RRAS2: variants seen among roughly 807,000 people sequenced by gnomAD.
RRAS2 encodes the protein ras-related protein R-Ras2.
In RRAS2, 7 loss-of-function variants were observed where a neutral mutation model predicts 27.6. That is an observed-to-expected ratio of 0.25 (90% CI 0.14 to 0.48). RRAS2 has a LOEUF of 0.48. Among genes scored for constraint, RRAS2 ranks in the 20% least tolerant of loss-of-function variants. The pLI, the probability that RRAS2 is intolerant of heterozygous loss-of-function variation, is 0.99. For synonymous variants in RRAS2, 86 were observed against 90.9 expected (o/e 0.95, Z 0.31); for missense variants, 178 against 256.2 (o/e 0.69, Z 2.08).
chr11:14,351,980 T>G (rs1554954857), intron 1 of RRAS2, among the ~76,000 whole-genome samples: 1 of 152,048 alleles, frequency 6.6e-6, no homozygotes, highest in Non-Finnish European at 1.5e-5. Flanking sequence ...GGTGGCATCA[T>G]GTCTTCAACT....
At chr11:14,293,061 T>TC (rs1847445731) in intron 4 of RRAS2, among the ~76,000 whole-genome samples, 2 of 145,654 alleles carry the variant, frequency 1.4e-5, no homozygotes, top group African/African-American at 2.6e-5. Flanking sequence ...TGAGCCAAGA[T>TC]CACGCCACTG....
chr11:14,323,204 T>C (rs1591471553), intron 1 of RRAS2, among the ~76,000 whole-genome samples: 1 of 152,144 alleles, frequency 6.6e-6, no homozygotes, highest in South Asian at 2.1e-4. Context: ...GCCAACACTT[T>C]GGGAGGCTGA....
chr11:14,337,897 G>T (rs903702529), intron 1 of RRAS2, among the ~76,000 whole-genome samples: 1 of 152,090 alleles, frequency 6.6e-6, no homozygotes, highest in Non-Finnish European at 1.5e-5. Flanking sequence ...CACCCTAAAA[G>T]AATGGCTAAA....
intron 1 of RRAS2, among the ~76,000 whole-genome samples, chr11:14,343,073 T>C (rs1848750683): frequency 6.6e-6 from 1 of 152,202 alleles, no homozygotes; most frequent in Non-Finnish European, 1.5e-5. Flanking sequence ...ACAAAGCTGT[T>C]TGAGCAACAG....
At chr11:14,350,157 T>A (rs962276588) in intron 1 of RRAS2, among the ~76,000 whole-genome samples, 3 of 152,226 alleles carry the variant, frequency 2.0e-5, no homozygotes, top group Non-Finnish European at 2.9e-5. Flanking sequence ...AAAGGTAGTA[T>A]ACACACAGTA....
intron 1 of RRAS2, among the ~76,000 whole-genome samples, chr11:14,308,707 TGA>T (rs1847885991): frequency 6.6e-6 from 1 of 152,234 alleles, no homozygotes; most frequent in Admixed American, 6.5e-5. Context: ...CTTGCAAAGC[TGA>T]GAGACACTTT....
At chr11:14,311,719 A>C (rs191626355) in intron 1 of RRAS2, among the ~76,000 whole-genome samples, 8 of 152,306 alleles carry the variant, frequency 5.3e-5, no homozygotes, top group Non-Finnish European at 1.2e-4. Flanking sequence ...TTATACTGGA[A>C]AATTATTTCA....
chr11:14,340,299 C>A (rs1848677013), intron 1 of RRAS2, among the ~76,000 whole-genome samples: 1 of 151,802 alleles, frequency 6.6e-6, no homozygotes, highest in African/African-American at 2.4e-5. Flanking sequence ...TGGGGTTTTG[C>A]CACATAGGCC....
intron 1 of RRAS2, among the ~76,000 whole-genome samples, chr11:14,319,598 T>TCCA (rs1245052260): frequency 6.6e-6 from 1 of 151,900 alleles, no homozygotes; most frequent in Admixed American, 6.6e-5. Context: ...GACCTCATGA[T>TCCA]CCACCCGCCT....
At chr11:14,329,119 A>T (rs113140528) in intron 1 of RRAS2, among the ~76,000 whole-genome samples, 35,918 of 149,368 alleles carry the variant, frequency 0.24, 4,704 homozygotes, top group African/African-American at 0.33. Context: ...ATATATATAT[A>T]TTTTTTTTGA....
intron 4 of RRAS2, among the ~76,000 whole-genome samples, chr11:14,293,200 C>T (rs540626631): frequency 2.2e-5 from 3 of 135,946 alleles, no homozygotes; most frequent in African/African-American, 5.7e-5. Context: ...TTGGGTATGC[C>T]GCCAATAAAA....
chr11:14,356,047 T>C (rs1430967901), intron 1 of RRAS2, among the ~76,000 whole-genome samples: 8 of 152,220 alleles, frequency 5.3e-5, no homozygotes, highest in African/African-American at 1.4e-4. Context: ...TGTTAACTCA[T>C]TTAATTTCAC....
At chr11:14,344,628 T>A (rs1554953849) in intron 1 of RRAS2, among the ~76,000 whole-genome samples, 2 of 152,182 alleles carry the variant, frequency 1.3e-5, no homozygotes, top group African/African-American at 4.8e-5. Flanking sequence ...AACCACATCG[T>A]CATTAACCAA....
chr11:14,339,863 C>T (rs1848664044), intron 1 of RRAS2, among the ~76,000 whole-genome samples: 1 of 151,802 alleles, frequency 6.6e-6, no homozygotes, highest in Non-Finnish European at 1.5e-5. Flanking sequence ...CCTGTAATCC[C>T]ACCACCTTGG....
intron 1 of RRAS2, among the ~76,000 whole-genome samples, chr11:14,304,886 ATTTTT>A (rs779626776): frequency 7.1e-4 from 108 of 151,884 alleles, no homozygotes; most frequent in African/African-American, 2.4e-3. Context: ...ATCCTCCCTT[ATTTTT>A]TTTGTCAAAT....
At chr11:14,350,067 C>A (rs754253481) in intron 1 of RRAS2, among the ~76,000 whole-genome samples, 1 of 152,220 alleles carries the variant, frequency 6.6e-6, no homozygotes, top group Non-Finnish European at 1.5e-5. Flanking sequence ...TTATCAACCT[C>A]CAATTTATCT....
chr11:14,286,038 C>T (rs1279802463), intron 4 of RRAS2, among the ~76,000 whole-genome samples: 3 of 152,142 alleles, frequency 2.0e-5, no homozygotes, highest in African/African-American at 2.4e-5. Flanking sequence ...GTGCATTTTT[C>T]ATGTCAGACA....
In RRAS2 at chr11:14,322,252, G is replaced by A. The variant is rs1201021673; in HGVS notation, c.109-26397C>T. Among the ~76,000 whole-genome samples, 7 of 148,480 alleles carry A rather than the reference G, an allele frequency of 4.7e-5. 1 individual carries two copies. The highest frequency in any genetic ancestry group is 6.8e-5 in the Admixed American group (1 of 14,786). On this transcript the variant is annotated intron_variant, in intron 1 of 5. Coordinates refer to ENST00000256196, the MANE Select transcript of RRAS2 (RefSeq NM_012250.6). Reference sequence around the variant, plus strand: ...TTGAGACCAGCCTGGGCAACATGGTGAAACCCCATCTCTACCAAAAATACA... The same window carrying A: ...TTGAGACCAGCCTGGGCAACATGGTAAAACCCCATCTCTACCAAAAATACA...
chr11:14,295,045 T>TA (rs1437595437), intron 2 of RRAS2, among the ~76,000 whole-genome samples, 183 bp from the exon 3 acceptor site: 1 of 152,212 alleles, frequency 6.6e-6, no homozygotes, highest in Non-Finnish European at 1.5e-5. Flanking sequence ...GGCAGACAGT[T>TA]ACAGAGTTTA....
Sources: allele counts gnomAD v4.1 joint callset (sites outside exome capture counted in the v4.1 genomes callset), GRCh38; gene constraint gnomAD v4.1.1; transcripts MANE v1.5; gene names NCBI Gene and HGNC (gene_info 2026-07-23, HGNC 2026-07-21).